Variants in TACR3 observed in about 807,000 individuals in gnomAD.
TACR3 encodes tachykinin receptor 3, also known as neuromedin-K receptor.
Under a neutral mutation model 35.0 loss-of-function variants are expected in TACR3, and 34 were observed. The ratio of observed to expected loss-of-function variants is 0.97; its 90% CI spans 0.74 to 1.30. TACR3 has a LOEUF of 1.30. Ranked by LOEUF, TACR3 falls within the 50% of genes most tolerant of loss-of-function variation. TACR3 has a pLI of 0.00. For synonymous variants in TACR3, 233 were observed against 221.1 expected, an observed-to-expected ratio of 1.05 and a Z score of -0.48; for missense variants, 558 against 591.7, an observed-to-expected ratio of 0.94 and a Z score of 0.59.
intron 3 of TACR3, among the ~76,000 whole-genome samples, chr4:103,619,955 A>G (rs1426230307): frequency 2.0e-5 from 3 of 152,200 alleles, no homozygotes; most frequent in Non-Finnish European, 4.4e-5. Context: ...CTATCAACAG[A>G]GCAAACAGAC....
chr4:103,685,270 G>A (rs568554559), intron 1 of TACR3, among the ~76,000 whole-genome samples: 144 of 152,090 alleles, frequency 9.5e-4, no homozygotes, highest in African/African-American at 3.3e-3. Flanking sequence ...ATAGTTGATA[G>A]TATTTTCAAC....
In TACR3 at chr4:103,680,512, C is replaced by CACATAT. The variant is rs774197182; in HGVS notation, c.549-22110_549-22109insATATGT. The stretch of plus-strand genomic sequence containing the variant: ...ACATACATACACACACACACACACA[C>CACATAT]ATATATATATACACATATATATACA... On this transcript the variant is annotated intron_variant, in intron 1 of 4. Coordinates refer to ENST00000304883, the MANE Select transcript of TACR3 (RefSeq NM_001059.3). Among the ~76,000 whole-genome samples, 107 of 146,036 alleles carry CACATAT rather than the reference C, an allele frequency of 7.3e-4. 1 individual carries two copies. Among genetic ancestry groups the CACATAT allele is most frequent in the African/African-American group, 2.1e-3 (84 of 39,250 alleles).
chr4:103,667,213 G>A (rs769785460), intron 1 of TACR3, among the ~76,000 whole-genome samples: 3 of 152,080 alleles, frequency 2.0e-5, no homozygotes, highest in Admixed American at 6.6e-5. Context: ...AGTCAAGATC[G>A]CGCCATTGCA....
In TACR3 at chr4:103,589,811, G is replaced by A. The variant is rs1394753745; in HGVS notation, c.1269C>T (p.Ser423=). The change falls in exon 5 of 5, where the codon TCC becomes TCT. Residue 423 remains serine, a synonymous_variant. Coordinates refer to ENST00000304883, the MANE Select transcript of TACR3 (RefSeq NM_001059.3). ...TTGGCGTTGCTCTTTTCTTCCGACT[G>A]GACCTGGTGGTGTCTGCATCGTTGG... is the stretch of plus-strand genomic sequence containing the variant. The part of the protein sequence containing the change: ...FDPNDADTTR[S]SRKKRATPRD... 9 of 1,613,830 alleles carry A rather than the reference G, an allele frequency of 5.6e-6. No individual in the cohort carries two copies. Among genetic ancestry groups the A allele is most frequent in the Non-Finnish European group, 7.6e-6 (9 of 1,179,896 alleles).
chr4:103,600,427 T>A (rs59879879), intron 3 of TACR3, among the ~76,000 whole-genome samples: 1 of 152,118 alleles, frequency 6.6e-6, no homozygotes, highest in African/African-American at 2.4e-5. Flanking sequence ...GATTCATTAA[T>A]CTTTTGAAGG....
In TACR3 at chr4:103,591,525, G is replaced by A. The variant is rs746408195; in HGVS notation, c.1047C>T (p.Thr349=). Residue 349 remains threonine (T), a synonymous_variant, in exon 4 of 5, where the codon ACC becomes ACT. Transcript: ENST00000304883. ...LASFWLAMSS[T]MYNPIIYCCL... ...AGCAGTAGATGATGGGATTGTACAT[G>A]GTTGAGCTCATTGCCAGCCAAAAGC... The A allele has an allele frequency of 2.5e-6, 4 of 1,613,858 alleles. No individual in the cohort carries two copies. The Admixed American group carries it at 6.7e-5, about 27-fold the overall frequency.
chr4:103,632,108 T>C (rs1471621490), intron 3 of TACR3, among the ~76,000 whole-genome samples: 2 of 152,096 alleles, frequency 1.3e-5, no homozygotes, highest in African/African-American at 4.8e-5. Flanking sequence ...TAACTGTATA[T>C]TAAAAACAAC....
chr4:103,604,811 G>T (rs1418083441), intron 3 of TACR3, among the ~76,000 whole-genome samples: 1 of 147,594 alleles, frequency 6.8e-6, no homozygotes, highest in Non-Finnish European at 1.5e-5. Flanking sequence ...GGTCATTAGA[G>T]AGATAATAAT....
rs1276865250 is a variant in TACR3 at position 103,627,355 on chromosome 4, A to AAATAC, written c.888+28838_888+28839insGTATT. Among the ~76,000 whole-genome samples, 414 of 90,384 alleles carry AAATAC rather than the reference A, an allele frequency of 4.6e-3. 3 individuals carry two copies. Among genetic ancestry groups the AAATAC allele is most frequent in the African/African-American group, 0.012 (293 of 24,928 alleles). The allele number at this position is 90,384 out of a possible 152,430, so 59.3% of individuals were successfully genotyped here. The stretch of plus-strand genomic sequence containing the variant: ...CATGGTGAAACTGTGTTTCCATTAA[A>AAATAC]AAAAAAAAAAAAAAAAAAAAAAGCT... On this transcript the variant is annotated intron_variant, in intron 3 of 4. Transcript: ENST00000304883.
intron 3 of TACR3, among the ~76,000 whole-genome samples, chr4:103,605,059 C>T (rs1264069211): frequency 3.7e-4 from 55 of 147,786 alleles, no homozygotes; most frequent in African/African-American, 1.3e-3. Context: ...CAATTCCCAC[C>T]TATGAGTGAG....
intron 3 of TACR3, among the ~76,000 whole-genome samples, chr4:103,638,975 C>G (rs1040001401): frequency 4.6e-5 from 7 of 152,098 alleles, no homozygotes; most frequent in African/African-American, 7.2e-5. Context: ...AATAGGAACA[C>G]TTTTACACTG....
At chr4:103,655,739 G>A (rs1482355510) in intron 3 of TACR3, among the ~76,000 whole-genome samples, 3 of 151,952 alleles carry the variant, frequency 2.0e-5, no homozygotes, top group East Asian at 1.9e-4. Flanking sequence ...AAAAAGAGAC[G>A]AGGGGATACA....
chr4:103,632,544 G>T (rs1725091352), intron 3 of TACR3, among the ~76,000 whole-genome samples: 1 of 151,190 alleles, frequency 6.6e-6, no homozygotes. Context: ...GTTGGTGGGT[G>T]GGGGGTGAGG....
At position 103,701,031 on chromosome 4, in the gene TACR3, A is replaced by G. The variant is rs1204071330; in HGVS notation, c.548+18097T>C. On this transcript the variant is annotated intron_variant, in intron 1 of 4. Transcript: ENST00000304883. ...TCTCAACACTCCTATTCAACATAGT[A>G]TTGGAAGTTCTGGCCAGGGCAATTA... Among the ~76,000 whole-genome samples, 168 of 152,244 alleles carry G rather than the reference A, an allele frequency of 1.1e-3. 1 individual carries two copies. The highest frequency in any genetic ancestry group is 3.8e-3 in the African/African-American group (159 of 41,530).
At chr4:103,629,148 T>C (rs1053001462) in intron 3 of TACR3, among the ~76,000 whole-genome samples, 3 of 152,082 alleles carry the variant, frequency 2.0e-5, no homozygotes, top group African/African-American at 7.2e-5. Flanking sequence ...CTCAAAATAA[T>C]CAGAGCTATT....
intron 1 of TACR3, among the ~76,000 whole-genome samples, chr4:103,690,998 T>A (rs1415323656): frequency 6.6e-6 from 1 of 152,180 alleles, no homozygotes; most frequent in East Asian, 1.9e-4. Flanking sequence ...CTGGTTAGAA[T>A]TTGGAACAAG....
intron 3 of TACR3, among the ~76,000 whole-genome samples, chr4:103,623,362 G>C (rs1358939373): frequency 6.6e-6 from 1 of 151,996 alleles, no homozygotes; most frequent in Non-Finnish European, 1.5e-5. Context: ...TGCAAAGATA[G>C]ACACCCTGGG....
chr4:103,633,253 T>C (rs1271611036), intron 3 of TACR3, among the ~76,000 whole-genome samples: 3 of 152,030 alleles, frequency 2.0e-5, no homozygotes, highest in African/African-American at 7.2e-5. Flanking sequence ...TGCTTAAATA[T>C]GTGGTCTTAT....
intron 3 of TACR3, among the ~76,000 whole-genome samples, chr4:103,651,731 C>A (rs907429025): frequency 2.0e-5 from 3 of 151,904 alleles, no homozygotes; most frequent in Admixed American, 2.0e-4. Flanking sequence ...TCAGGCTCAC[C>A]CAAGGCCCAT....
Sources: gnomAD v4.1 joint callset for allele counts (sites outside exome capture counted in the v4.1 genomes callset) on GRCh38, gnomAD v4.1.1 for gene constraint, MANE v1.5 for transcripts, NCBI Gene and HGNC (gene_info 2026-07-23, HGNC 2026-07-21) for gene names.